CSRNP3: variants seen among roughly 807,000 people sequenced by gnomAD.
CSRNP3 encodes the protein cysteine and serine rich nuclear protein 3.
A neutral mutation model predicts 48.0 loss-of-function variants in CSRNP3; 12 were observed. The observed-to-expected ratio is 0.25, with a 90% CI of 0.16 to 0.41. CSRNP3 has a LOEUF of 0.41. CSRNP3 is among the 10% of genes least tolerant of loss of function. CSRNP3 has a pLI of 1.00. For synonymous variants in CSRNP3, 263 were observed against 269.7 expected (o/e 0.98, Z 0.24); for missense variants, 580 against 724.4 (o/e 0.80, Z 2.29).
chr2:165,574,194 C>G lies in CSRNP3; in HGVS notation c.-23-20849C>G. 3 of 506,504 alleles carry G rather than the reference C, an allele frequency of 5.9e-6. No homozygotes were observed. The South Asian group carries it at 1.0e-4, about 17-fold the overall frequency. The allele number at this position is 506,504 out of a possible 1,614,324, so 31.4% of individuals were successfully genotyped here. A position where few individuals can be genotyped will look rare whatever the true frequency, so the allele number is the denominator to read the frequency against. ...GCATTCCGTTTCAGCTGCTGGAGGA[C>G]TGCCTGAGCCTTATGCAAATGAGAC... On this transcript the variant is annotated intron_variant, in intron 3 of 6. Coordinates refer to ENST00000651982, the MANE Select transcript of CSRNP3 (RefSeq NM_001172173.2).
At chr2:165,598,302 A>G (rs893591818) in intron 4 of CSRNP3, among the ~76,000 whole-genome samples, 42 of 152,174 alleles carry the variant, frequency 2.8e-4, no homozygotes, top group African/African-American at 1.0e-3. Flanking sequence ...AAAGCAGAAG[A>G]CAATATTTTA....
chr2:165,581,612 C>T (rs1685548395), intron 3 of CSRNP3, among the ~76,000 whole-genome samples: 1 of 148,318 alleles, frequency 6.7e-6, no homozygotes, highest in Non-Finnish European at 1.5e-5. Flanking sequence ...TCTCAGCTCA[C>T]TGCAATCTCT....
chr2:165,638,576 G>T (rs183535093), intron 4 of CSRNP3, among the ~76,000 whole-genome samples: 1 of 151,948 alleles, frequency 6.6e-6, no homozygotes, highest in Admixed American at 6.6e-5. Context: ...TGAAAATGTT[G>T]TAAATCTTTA....
intron 4 of CSRNP3, among the ~76,000 whole-genome samples, chr2:165,640,466 A>T (rs1462750852): frequency 6.6e-6 from 1 of 152,178 alleles, no homozygotes; most frequent in African/African-American, 2.4e-5. Context: ...TAAGGTGGCA[A>T]TGAATCTACT....
chr2:165,582,825 A>G (rs532267252), intron 3 of CSRNP3, among the ~76,000 whole-genome samples: 1 of 152,292 alleles, frequency 6.6e-6, no homozygotes, highest in East Asian at 1.9e-4. Flanking sequence ...TCAAACTGCA[A>G]ATCATCAAAC....
chr2:165,618,781 A>G (rs1036553582), intron 4 of CSRNP3, among the ~76,000 whole-genome samples: 4 of 152,174 alleles, frequency 2.6e-5, no homozygotes, highest in African/African-American at 7.2e-5. Flanking sequence ...TGAAGACTGT[A>G]TTAGGAGAAA....
chr2:165,544,218 A>C (rs1684994661), intron 3 of CSRNP3, among the ~76,000 whole-genome samples: 1 of 152,150 alleles, frequency 6.6e-6, no homozygotes, highest in African/African-American at 2.4e-5. Flanking sequence ...CAGGTAGCCA[A>C]GGAGTCATCT....
chr2:165,474,040 A>T (rs1190870979), intron 1 of CSRNP3, among the ~76,000 whole-genome samples: 1 of 152,282 alleles, frequency 6.6e-6, no homozygotes, highest in Middle Eastern at 3.4e-3. Context: ...ATAAGCTCTT[A>T]TACTTTACTT....
At chr2:165,621,519 A>G (rs1053146289) in intron 4 of CSRNP3, among the ~76,000 whole-genome samples, 1 of 152,222 alleles carries the variant, frequency 6.6e-6, no homozygotes, top group Non-Finnish European at 1.5e-5. Flanking sequence ...CAGCAGAAGC[A>G]ATAAAAAGTA....
intron 5 of CSRNP3, among the ~76,000 whole-genome samples, chr2:165,675,925 C>G (rs1687415440): frequency 6.6e-6 from 1 of 152,198 alleles, no homozygotes; most frequent in Non-Finnish European, 1.5e-5. Flanking sequence ...ATGCTATTAT[C>G]TCTGAACAAG....
chr2:165,540,483 G>A (rs1009883972), intron 3 of CSRNP3, among the ~76,000 whole-genome samples: 7 of 151,710 alleles, frequency 4.6e-5, no homozygotes, highest in African/African-American at 1.5e-4. Flanking sequence ...TAATACCTGC[G>A]ATCTTGTCTG....
At chr2:165,615,888 G>T (rs11687045) in intron 4 of CSRNP3, among the ~76,000 whole-genome samples, 15,029 of 59,272 alleles carry the variant, frequency 0.25, 1,423 homozygotes, top group East Asian at 0.42. Flanking sequence ...TGTTTGTGGG[G>T]TTTTTTTTTT....
chr2:165,636,446 G>GAC (rs1193714587), intron 4 of CSRNP3, among the ~76,000 whole-genome samples: 2 of 152,224 alleles, frequency 1.3e-5, no homozygotes, highest in African/African-American at 4.8e-5. Flanking sequence ...CCATCAATAA[G>GAC]ACACGTGTCT....
At chr2:165,473,335 A>T (rs990172203) in intron 1 of CSRNP3, among the ~76,000 whole-genome samples, 2 of 152,094 alleles carry the variant, frequency 1.3e-5, no homozygotes, top group Non-Finnish European at 2.9e-5. Flanking sequence ...ACAACTTTAC[A>T]TCTGTAATGG....
At chr2:165,501,689 T>C (rs1331481374) in intron 2 of CSRNP3, among the ~76,000 whole-genome samples, 1 of 152,162 alleles carries the variant, frequency 6.6e-6, no homozygotes, top group African/African-American at 2.4e-5. Flanking sequence ...TTCATGACTT[T>C]TTACTAAAAA....
At chr2:165,585,843 T>C (rs892554944) in intron 3 of CSRNP3, among the ~76,000 whole-genome samples, 1 of 152,194 alleles carries the variant, frequency 6.6e-6, no homozygotes, top group Non-Finnish European at 1.5e-5. Flanking sequence ...AGTTAAAAGT[T>C]ACTCTCACTT....
chr2:165,541,881 A>G (rs991219699), intron 3 of CSRNP3, among the ~76,000 whole-genome samples: 1 of 152,154 alleles, frequency 6.6e-6, no homozygotes, highest in Admixed American at 6.6e-5. Flanking sequence ...TACAGAGTTT[A>G]TAGTTTTCTA....
chr2:165,604,290 A>T (rs189998885), intron 4 of CSRNP3, among the ~76,000 whole-genome samples: 1 of 152,342 alleles, frequency 6.6e-6, no homozygotes, highest in East Asian at 1.9e-4. Flanking sequence ...TTAACTGTGT[A>T]TACTTCTTGC....
intron 3 of CSRNP3, among the ~76,000 whole-genome samples, chr2:165,521,202 A>G (rs966083048): frequency 1.3e-5 from 2 of 151,696 alleles, no homozygotes; most frequent in Admixed American, 1.3e-4. Flanking sequence ...AAAATTAGAG[A>G]TGCAGAGGGC....
Sources: allele counts gnomAD v4.1 joint callset (sites outside exome capture counted in the v4.1 genomes callset), GRCh38; gene constraint gnomAD v4.1.1; transcripts MANE v1.5; gene names NCBI Gene and HGNC (gene_info 2026-07-23, HGNC 2026-07-21).